Variants in HS6ST2 observed in about 807,000 individuals in gnomAD.
HS6ST2 encodes the protein heparan-sulfate 6-O-sulfotransferase 2.
HS6ST2 carries 17 observed loss-of-function variants against 33.0 expected under a neutral mutation model. The ratio of observed to expected loss-of-function variants is 0.52; its 90% CI spans 0.35 to 0.77. The LOEUF is 0.77. Among genes scored for constraint, HS6ST2 ranks in the 30% least tolerant of loss-of-function variants. The pLI is 0.01. For synonymous variants in HS6ST2, 248 were observed against 237.1 expected, an observed-to-expected ratio of 1.05 and a Z score of -0.42; for missense variants, 519 against 551.7, an observed-to-expected ratio of 0.94 and a Z score of 0.59.
upstream of HS6ST2, chrX:132,961,151 AGAACTGGCC>A (rs2067139577): frequency 2.8e-5 from 3 of 106,645 alleles, no homozygotes; most frequent in Non-Finnish European, 5.8e-5. Flanking sequence ...AAAAGGGAAG[AGAACTGGCC>A]GAACTGTCAA....
intron 2 of HS6ST2, among the ~76,000 whole-genome samples, chrX:132,732,184 A>G (rs1421503455): frequency 8.9e-6 from 1 of 112,044 alleles, no homozygotes; most frequent in Non-Finnish European, 1.9e-5. Context: ...AGTCTTTGGA[A>G]AGTAATTTGT....
At chrX:132,767,148 A>C (rs2064856327) in intron 2 of HS6ST2, among the ~76,000 whole-genome samples, 1 of 112,788 alleles carries the variant, frequency 8.9e-6, no homozygotes, top group South Asian at 3.7e-4. Context: ...ATGCTCCAGC[A>C]GACTTCAAGA....
At chrX:132,787,623 C>T (rs1035661629) in intron 2 of HS6ST2, among the ~76,000 whole-genome samples, 1 of 105,508 alleles carries the variant, frequency 9.5e-6, no homozygotes, top group Non-Finnish European at 2.0e-5. Context: ...AACACAGAGG[C>T]TCACGCCTGT....
chrX:132,723,936 A>G (rs969894887), intron 2 of HS6ST2, among the ~76,000 whole-genome samples: 1 of 111,214 alleles, frequency 9.0e-6, no homozygotes, highest in Non-Finnish European at 1.9e-5. Context: ...GGAGATTGAG[A>G]CCATCCTGGT....
chrX:132,868,416 T>C (rs149005563), intron 2 of HS6ST2, among the ~76,000 whole-genome samples: 8,161 of 112,011 alleles, frequency 0.073, 304 homozygotes, highest in Non-Finnish European at 0.11. Flanking sequence ...AGCTCAGCTC[T>C]GGACCAAGTG....
chrX:132,885,352 C>CAGA (rs1468259415), intron 2 of HS6ST2, among the ~76,000 whole-genome samples: 1 of 111,244 alleles, frequency 9.0e-6, no homozygotes, highest in East Asian at 2.8e-4. Context: ...AACAGTCACA[C>CAGA]AGAGCTGTGT....
In HS6ST2 at chrX:132,909,391, C is replaced by T. The variant is rs1043887657; in HGVS notation, c.947+47417G>A. Among the ~76,000 whole-genome samples, 3 of 111,593 alleles carry T rather than the reference C, an allele frequency of 2.7e-5. No homozygotes were observed. The Admixed American group carries it at 2.9e-4, about 11-fold the overall frequency. ...CACGGATTCAATTTACCTCATGGCC[C>T]GGTGGCTACACACTGGTATATTTGC... On this transcript the variant is annotated intron_variant, in intron 2 of 4. Transcript: ENST00000370833.
intron 2 of HS6ST2, among the ~76,000 whole-genome samples, chrX:132,790,273 AAAC>A (rs1437919345): frequency 1.2e-4 from 14 of 112,286 alleles, no homozygotes; most frequent in African/African-American, 4.5e-4. Flanking sequence ...TTCACCAGCA[AAAC>A]AACGACAACT....
In HS6ST2 at chrX:132,731,204, T is replaced by C. The variant is rs750238591; in HGVS notation, c.948-22710A>G. Among the ~76,000 whole-genome samples, 9 of 112,067 alleles carry C rather than the reference T, an allele frequency of 8.0e-5. No homozygotes were observed. The Admixed American group carries it at 8.5e-4, about 11-fold the overall frequency. ...CATGCTCAACTGAGGGGAAAACTAG[T>C]GTATGCATGCATGTGTGTATGTCAA... On this transcript the variant is annotated intron_variant, in intron 2 of 4. Transcript: ENST00000370833.
At chrX:132,870,879 C>T (rs746204623) in intron 2 of HS6ST2, among the ~76,000 whole-genome samples, 22 of 111,120 alleles carry the variant, frequency 2.0e-4, no homozygotes, top group African/African-American at 5.9e-4. Flanking sequence ...ACTAAAAGAC[C>T]GAAAGCAACT....
intron 2 of HS6ST2, among the ~76,000 whole-genome samples, chrX:132,742,820 C>T (rs1008323575): frequency 1.8e-5 from 2 of 112,551 alleles, no homozygotes; most frequent in Admixed American, 9.4e-5. Context: ...ACATTTCTCA[C>T]ATTCCTCAAC....
At chrX:132,863,884 A>G (rs886577965) in intron 2 of HS6ST2, among the ~76,000 whole-genome samples, 78 of 111,717 alleles carry the variant, frequency 7.0e-4, no homozygotes, top group African/African-American at 2.4e-3. Flanking sequence ...TATGCCTGCT[A>G]AACATTACTC....
rs766009642 is a variant in HS6ST2, at chrX:132,702,002, A to C, written c.980+6460T>G. 2.7e-5 allele frequency among the ~76,000 whole-genome samples: 3 copies of C among 112,292 alleles called. No individual in the cohort carries two copies. The South Asian group carries it at 1.1e-3, about 42-fold the overall frequency. On this transcript the variant is annotated intron_variant, in intron 3 of 4. Transcript: ENST00000370833. The stretch of plus-strand genomic sequence containing the variant: ...GCTGGCAGAGGTTAAAACAAGACAC[A>C]ATGTTTTAAGTTCCTGTGACATTTA...
In HS6ST2 at chrX:132,628,056, C is replaced by CAGT; in HGVS notation, c.*164_*166dup. On this transcript the variant is annotated 3_prime_UTR_variant, in exon 5 of 5. Transcript: ENST00000370833. Reference sequence around the variant, plus strand: ...TATTGAGATTTGTTTTACCTACACACAGTATAACACTGAATTGAAAGGCAA... The same window carrying CAGT: ...TATTGAGATTTGTTTTACCTACACACAGTAGTATAACACTGAATTGAAAGGCAA... The CAGT allele has an allele frequency of 5.0e-6, 2 of 400,457 alleles. No homozygotes were observed. The highest frequency in any genetic ancestry group is 1.2e-4 in the South Asian group (2 of 17,140). The allele number at this position is 400,457 out of a possible 1,213,427, so 33.0% of individuals were successfully genotyped here.
At chrX:132,950,800 CT>C (rs752207768) in intron 2 of HS6ST2, among the ~76,000 whole-genome samples, 2 of 110,991 alleles carry the variant, frequency 1.8e-5, no homozygotes, top group South Asian at 3.8e-4. Flanking sequence ...TTCGTTTTGG[CT>C]TTTTTTTGAC....
intron 2 of HS6ST2, among the ~76,000 whole-genome samples, chrX:132,922,657 C>T (rs2066664077): frequency 8.9e-6 from 1 of 111,806 alleles, no homozygotes; most frequent in Non-Finnish European, 1.9e-5. Context: ...CGCGGTGCAG[C>T]TTGGTTGTAT....
intron 2 of HS6ST2, among the ~76,000 whole-genome samples, chrX:132,792,890 G>A (rs1406029148): frequency 5.1e-5 from 3 of 59,055 alleles, no homozygotes; most frequent in Non-Finnish European, 8.0e-5. Context: ...TTACCCCTTC[G>A]TCAGTTGATG....
At chrX:132,655,617 C>T (rs1245220661) in intron 4 of HS6ST2, among the ~76,000 whole-genome samples, 1 of 110,476 alleles carries the variant, frequency 9.1e-6, no homozygotes. Context: ...ACAGGTTATT[C>T]AAGATAGGTG....
intron 2 of HS6ST2, among the ~76,000 whole-genome samples, chrX:132,740,471 G>C (rs2064560624): frequency 9.0e-6 from 1 of 111,504 alleles, no homozygotes; most frequent in African/African-American, 3.3e-5. Flanking sequence ...CAATAGCGGG[G>C]GTGTGGGGGT....
Sources: gnomAD v4.1 joint callset for allele counts (sites outside exome capture counted in the v4.1 genomes callset) on GRCh38, gnomAD v4.1.1 for gene constraint, MANE v1.5 for transcripts, NCBI Gene and HGNC (gene_info 2026-07-23, HGNC 2026-07-21) for gene names.